The following SORT1 variants were observed in gnomAD, a reference collection of about 807,000 sequenced individuals.
SORT1 encodes sortilin 1, also known as sortilin.
In SORT1, 39 loss-of-function variants were observed where a neutral mutation model predicts 101.7. That is an observed-to-expected ratio of 0.38 (90% CI 0.30 to 0.50). The LOEUF (loss-of-function observed/expected upper bound fraction) is 0.50, where lower values mean the gene tolerates loss of function less well. Ranked by LOEUF, SORT1 falls within the 20% of genes least tolerant of loss-of-function variation. SORT1 has a pLI of 0.90. For missense variants in SORT1, 878 were observed against 1,040.4 expected (o/e 0.84, Z 2.15); for synonymous variants, 396 against 393.7 (o/e 1.01, Z -0.07).
At chr1:109,362,008 C>T (rs891640006) in intron 3 of SORT1, among the ~76,000 whole-genome samples, 1 of 152,068 alleles carries the variant, frequency 6.6e-6, no homozygotes, top group African/African-American at 2.4e-5. Context: ...GTTTAAATAG[C>T]CTCCAAGAGC....
At chr1:109,350,071 A>G (rs1156527483) in intron 6 of SORT1, among the ~76,000 whole-genome samples, 1 of 152,180 alleles carries the variant, frequency 6.6e-6, no homozygotes, top group Non-Finnish European at 1.5e-5. Context: ...ACCTCCTTCC[A>G]GCTCTCAGGC....
At chr1:109,342,567 T>C (rs1649300387) in intron 8 of SORT1, among the ~76,000 whole-genome samples, 1 of 152,198 alleles carries the variant, frequency 6.6e-6, no homozygotes. Flanking sequence ...GTCCCTTTCA[T>C]ACAGTGCTTG....
At chr1:109,394,202 T>A (rs989092923) in intron 1 of SORT1, among the ~76,000 whole-genome samples, 11 of 152,196 alleles carry the variant, frequency 7.2e-5, no homozygotes, top group Non-Finnish European at 1.6e-4. Flanking sequence ...TTTGTTTTTT[T>A]AGTAATAGCC....
chr1:109,380,295 A>C (rs1652135588), intron 1 of SORT1, among the ~76,000 whole-genome samples: 1 of 152,160 alleles, frequency 6.6e-6, no homozygotes, highest in African/African-American at 2.4e-5. Context: ...CCTGTGTCAA[A>C]AAATGATACT....
chr1:109,315,726 G>A (rs1658990886), intron 17 of SORT1, among the ~76,000 whole-genome samples: 2 of 147,400 alleles, frequency 1.4e-5, no homozygotes, highest in Non-Finnish European at 3.0e-5. Context: ...CAGTGCTACA[G>A]ATTTGGATGC....
At chr1:109,348,054 C>T (rs112544620) in intron 6 of SORT1, among the ~76,000 whole-genome samples, 112 of 152,362 alleles carry the variant, frequency 7.4e-4, no homozygotes, top group Non-Finnish European at 1.5e-3. Flanking sequence ...ATATGCCTTA[C>T]CTTTCCTACT....
chr1:109,347,279 G>A (rs938308859), intron 7 of SORT1, among the ~76,000 whole-genome samples: 3 of 152,070 alleles, frequency 2.0e-5, no homozygotes, highest in South Asian at 4.1e-4. Flanking sequence ...TTGCCTCTAC[G>A]TATAGCCTAT....
chr1:109,373,792 A>T (rs1290918949), intron 1 of SORT1, among the ~76,000 whole-genome samples: 1 of 152,236 alleles, frequency 6.6e-6, no homozygotes, highest in East Asian at 1.9e-4. Flanking sequence ...CAACTGAAAA[A>T]TCATCAGGTG....
rs577547535 is a variant in SORT1 at position 109,314,586 on chromosome 1, T to C, written c.2357+86A>G. On this transcript the variant is annotated intron_variant, in intron 18 of 19. Transcript: ENST00000256637. Reference sequence around the variant, plus strand: ...GGAACAGTACTGCAAGTACCTAGTTTTTGCCAAGAGTAGACTCAGCCATAT... The same window carrying C: ...GGAACAGTACTGCAAGTACCTAGTTCTTGCCAAGAGTAGACTCAGCCATAT... The C allele has an allele frequency of 3.0e-4, 341 of 1,130,600 alleles. 4 individuals are homozygous for C. In the South Asian group the frequency reaches 4.6e-3, roughly 15 times the overall value. 70.0% of individuals were successfully genotyped at this position (1,130,600 alleles called of 1,614,324 possible).
At chr1:109,322,829 C>T (rs572182408) in intron 15 of SORT1, 103 bp downstream of exon 15, 48 of 945,572 alleles carry the variant, frequency 5.1e-5, no homozygotes, top group South Asian at 2.3e-4. Flanking sequence ...TGTGAGCCAC[C>T]GCACCCGGCT....
intron 1 of SORT1, among the ~76,000 whole-genome samples, chr1:109,371,280 T>C (rs1358269265): frequency 6.6e-6 from 1 of 152,178 alleles, no homozygotes; most frequent in East Asian, 1.9e-4. Flanking sequence ...AAAACTGACA[T>C]AGCAGTGTGT....
At position 109,397,748 on chromosome 1, in the gene SORT1, G is replaced by C. The variant is rs897631071; in HGVS notation, c.145C>G (p.Arg49Gly). ...CTCACCCCGATGGGGCCAGACCAGC[G>C]CGGCAGCGGCGCAGCGGGCGGCGGC... is the stretch of plus-strand genomic sequence containing the variant. ...APPPPAAPLP[R>G]WSGPIGVSWG... Residue 49 changes from arginine to glycine, a missense_variant, in exon 1 of 20, where the codon CGC (arginine) becomes GGC (glycine). By Grantham distance (125) the Arg-to-Gly change is moderately radical (BLOSUM62 -2). Coordinates refer to ENST00000256637, the MANE Select transcript of SORT1 (RefSeq NM_002959.7). 22 of 1,196,686 alleles carry C rather than the reference G, an allele frequency of 1.8e-5. No homozygotes were observed. The Admixed American group carries it at 6.9e-4, about 37-fold the overall frequency. 74.1% of individuals were successfully genotyped at this position (1,196,686 alleles called of 1,614,324 possible).
chr1:109,347,483 T>C lies in SORT1; in HGVS notation c.832A>G (p.Lys278Glu), dbSNP rs753511675. ...TTTTCTGGGACTAAAATATACTTAC[T>C]GCAGGAGCCATTTGCATAGGTTGTA... ...FFTTYANGSC[K>E]ADLGALELWR... Residue 278 changes from lysine (K) to glutamate (E), a missense_variant and splice_region_variant, in exon 7 of 20, where the codon AAA (lysine) becomes GAA (glutamate). Lys to Glu is a moderately conservative substitution (Grantham distance 56). This residue lies in a region of SORT1 where 684 missense variants were observed against 894.5 expected (regional missense o/e 0.76). Coordinates refer to ENST00000256637, the MANE Select transcript of SORT1 (RefSeq NM_002959.7). 1 of 1,604,356 alleles carries C rather than the reference T, an allele frequency of 6.2e-7. No homozygotes were observed. Among genetic ancestry groups the C allele is most frequent in the Admixed American group, 1.7e-5 (1 of 59,984 alleles).
chr1:109,341,377 C>T (rs1292051906), intron 9 of SORT1, among the ~76,000 whole-genome samples: 2 of 151,102 alleles, frequency 1.3e-5, no homozygotes, highest in African/African-American at 2.4e-5. Flanking sequence ...GATGGAGTCT[C>T]GCTCTGTTGC....
intron 12 of SORT1, 82 bp from the exon 13 acceptor site, chr1:109,327,242 G>T: frequency 1.7e-6 from 2 of 1,186,326 alleles, no homozygotes; most frequent in South Asian, 1.5e-5. Context: ...AATGTTGAAT[G>T]AATTTATTCT....
At chr1:109,389,963 C>T (rs188523405) in intron 1 of SORT1, 1 of 152,264 alleles carries the variant, frequency 6.6e-6, no homozygotes, top group Non-Finnish European at 1.5e-5. Flanking sequence ...ACTACCCACG[C>T]CCCTCCTCTC....
At chr1:109,357,471 G>C (rs1217668153) in intron 3 of SORT1, among the ~76,000 whole-genome samples, 1 of 152,166 alleles carries the variant, frequency 6.6e-6, no homozygotes, top group Non-Finnish European at 1.5e-5. Context: ...GCAAGGGAAG[G>C]CAATTTATCA....
chr1:109,330,532 A>G (rs1218173052), intron 11 of SORT1, among the ~76,000 whole-genome samples: 4 of 152,230 alleles, frequency 2.6e-5, no homozygotes, highest in South Asian at 4.1e-4. Flanking sequence ...TTAAGAAAAA[A>G]GAAAAATCTC....
In SORT1 at chr1:109,325,484, C is replaced by T. The variant is rs574045012; in HGVS notation, c.1644-395G>A. Among the ~76,000 whole-genome samples, 4 of 152,066 alleles carry T rather than the reference C, an allele frequency of 2.6e-5. No individual in the cohort carries two copies. In the South Asian group the frequency reaches 8.3e-4, roughly 32 times the overall value. On this transcript the variant is annotated intron_variant, in intron 13 of 19. Transcript: ENST00000256637. ...TGAACTCCTGACCTCAGGTAATCTT[C>T]CCACCTTGGCCTCCCAAAGTGCTGG...
Sources: gnomAD v4.1 joint callset for allele counts (sites outside exome capture counted in the v4.1 genomes callset) on GRCh38, gnomAD v4.1.1 for gene constraint, gnomAD v4.1.1 regional missense constraint, MANE v1.5 for transcripts, NCBI Gene and HGNC (gene_info 2026-07-23, HGNC 2026-07-21) for gene names.